The following ITSN2 variants were observed in gnomAD, a reference collection of about 807,000 sequenced individuals.
The protein encoded by ITSN2 is intersectin 2, also known as intersectin-2.
ITSN2 carries 156 observed loss-of-function variants against 243.7 expected under a neutral mutation model. That is an observed-to-expected ratio of 0.64 (90% confidence interval 0.56 to 0.73). The LOEUF (loss-of-function observed/expected upper bound fraction) is 0.73, where lower values mean the gene tolerates loss of function less well. Among genes scored for constraint, ITSN2 ranks in the 30% least tolerant of loss-of-function variants. The pLI, the probability that ITSN2 is intolerant of heterozygous loss-of-function variation, is 0.00. For missense variants in ITSN2, 1,801 were observed against 1,996.1 expected (o/e 0.90, Z 1.86); for synonymous variants, 703 against 699.9 (o/e 1.00, Z -0.07).
intron 29 of ITSN2, among the ~76,000 whole-genome samples, chr2:24,223,824 G>GA (rs70944730): frequency 0.78 from 111,913 of 142,880 alleles, 44,241 homozygotes; most frequent in African/African-American, 0.86. Flanking sequence ...GGAAGGAAGG[G>GA]AAAAAAAGGA....
intron 15 of ITSN2, among the ~76,000 whole-genome samples, chr2:24,289,609 A>G (rs1213744548): frequency 1.3e-5 from 2 of 152,190 alleles, no homozygotes; most frequent in Non-Finnish European, 2.9e-5. Flanking sequence ...TTGTCTGAGT[A>G]GTCCTGCTAG....
Position 24,271,851 on chromosome 2 carries a change from T to C in ITSN2, c.2172A>G (p.Thr724=). 6.2e-7 allele frequency: 1 copy of C among 1,610,882 alleles called. No individual in the cohort carries two copies. Residue 724 remains threonine (T), a synonymous_variant, in exon 19 of 40, where the codon ACA becomes ACG. Coordinates refer to ENST00000355123, the MANE Select transcript of ITSN2 (RefSeq NM_006277.3). ...EKQKRLQEEK[T]QEKIQEEERK... ...GTTCCTCTTCTTGAATTTTTTCTTG[T>C]GTTTTTTCTTCCTGGAGTCGCTTTT...
In ITSN2 at chr2:24,209,784, C is replaced by T. The variant is rs781159699; in HGVS notation, c.4473+34G>A. 7.8e-6 allele frequency: 12 copies of T among 1,546,884 alleles called. No individual in the cohort carries two copies. The East Asian group carries it at 1.8e-4, about 23-fold the overall frequency. Reference sequence around the variant, plus strand: ...AAGATAGAGGCAACACCTCATTAGGCCCCTGATGCTACCCCCAGACGCGTG... The same window carrying T: ...AAGATAGAGGCAACACCTCATTAGGTCCCTGATGCTACCCCCAGACGCGTG... On this transcript the variant is annotated intron_variant, in intron 35 of 39. Transcript: ENST00000355123.
chr2:24,353,201 T>A (rs1574412274), intron 1 of ITSN2, among the ~76,000 whole-genome samples: 1 of 152,166 alleles, frequency 6.6e-6, no homozygotes, highest in Non-Finnish European at 1.5e-5. Context: ...CATAGGGCTA[T>A]TAAAATAGAT....
intron 17 of ITSN2, 106 bp downstream of exon 17, chr2:24,284,657 T>C (rs909126281): frequency 1.4e-6 from 1 of 710,040 alleles, no homozygotes; most frequent in African/African-American, 1.8e-5. Context: ...ATTGTATATG[T>C]TATTTCAAAC....
intron 15 of ITSN2, 90 bp from the exon 16 acceptor site, chr2:24,286,441 A>T (rs1271106355): frequency 2.8e-6 from 3 of 1,073,340 alleles, no homozygotes; most frequent in Non-Finnish European, 4.3e-6. Flanking sequence ...GATTGATGTA[A>T]CTAGACCAAT....
At chr2:24,281,078 G>A (rs774336155) in intron 17 of ITSN2, among the ~76,000 whole-genome samples, 5 of 152,156 alleles carry the variant, frequency 3.3e-5, no homozygotes, top group Non-Finnish European at 7.3e-5. Flanking sequence ...GCCCTGGTTG[G>A]AGTGCAGTGG....
At chr2:24,207,941 A>G (rs1669074308) in intron 37 of ITSN2, among the ~76,000 whole-genome samples, 1 of 151,686 alleles carries the variant, frequency 6.6e-6, no homozygotes, top group Non-Finnish European at 1.5e-5. Flanking sequence ...GCCCAAGCAG[A>G]GGTGAGGTGA....
At chr2:24,298,388 C>G (rs1009424169) in intron 13 of ITSN2, among the ~76,000 whole-genome samples, 5 of 152,044 alleles carry the variant, frequency 3.3e-5, no homozygotes, top group African/African-American at 1.2e-4. Flanking sequence ...GAACTCCTGA[C>G]CTCGTGATCC....
intron 1 of ITSN2, among the ~76,000 whole-genome samples, chr2:24,347,027 G>A (rs1381973306): frequency 1.3e-5 from 2 of 151,990 alleles, no homozygotes; most frequent in Middle Eastern, 3.4e-3. Flanking sequence ...ACCACGCCCA[G>A]CTAATTTTTT....
chr2:24,285,142 G>A (rs1355880070), intron 16 of ITSN2, among the ~76,000 whole-genome samples: 3 of 151,974 alleles, frequency 2.0e-5, no homozygotes, highest in African/African-American at 4.8e-5. Flanking sequence ...TGATCCGCCC[G>A]CCTCAGCCTC....
intron 29 of ITSN2, among the ~76,000 whole-genome samples, chr2:24,222,865 G>T (rs2543665): frequency 0.13 from 20,019 of 151,650 alleles, 1,882 homozygotes; most frequent in African/African-American, 0.27. Flanking sequence ...TAGTAGAGAT[G>T]GGGTTTCACC....
At chr2:24,323,401 G>A (rs1684803376) in intron 2 of ITSN2, among the ~76,000 whole-genome samples, 1 of 152,220 alleles carries the variant, frequency 6.6e-6, no homozygotes, top group Non-Finnish European at 1.5e-5. Flanking sequence ...CTATTCAGCA[G>A]TAAACAGGAG....
chr2:24,286,438 G>A, intron 15 of ITSN2, 87 bp from the exon 16 acceptor site: 1 of 1,106,580 alleles, frequency 9.0e-7, no homozygotes, highest in Non-Finnish European at 1.4e-6. Flanking sequence ...TCAGATTGAT[G>A]TAACTAGACC....
At chr2:24,343,090 C>CAA (rs1254724019) in intron 1 of ITSN2, among the ~76,000 whole-genome samples, 6 of 68,548 alleles carry the variant, frequency 8.8e-5, no homozygotes, top group Admixed American at 1.6e-4. Flanking sequence ...GACCCCATCT[C>CAA]AAAAAAAAAA....
At chr2:24,260,219 G>C (rs182484932) in intron 22 of ITSN2, among the ~76,000 whole-genome samples, 3 of 152,238 alleles carry the variant, frequency 2.0e-5, no homozygotes, top group Admixed American at 2.0e-4. Flanking sequence ...ACTGTGCCTG[G>C]TGTCAATGTC....
At chr2:24,319,663 C>A (rs1684322028) in intron 2 of ITSN2, among the ~76,000 whole-genome samples, 1 of 152,250 alleles carries the variant, frequency 6.6e-6, no homozygotes. Context: ...TCAAACTCCA[C>A]TGGAAACCCT....
intron 2 of ITSN2, among the ~76,000 whole-genome samples, chr2:24,327,833 C>G (rs1301479083): frequency 6.6e-6 from 1 of 152,174 alleles, no homozygotes; most frequent in Non-Finnish European, 1.5e-5. Context: ...TTATTCCTAA[C>G]TGCTCAATGG....
intron 2 of ITSN2, among the ~76,000 whole-genome samples, chr2:24,324,272 A>T (rs1012275376): frequency 1.9e-4 from 29 of 152,128 alleles, no homozygotes; most frequent in Non-Finnish European, 4.4e-5. Context: ...AATTTTTTTT[A>T]AAAAGCTGCT....
Sources: allele counts gnomAD v4.1 joint callset (sites outside exome capture counted in the v4.1 genomes callset), GRCh38; gene constraint gnomAD v4.1.1; transcripts MANE v1.5; gene names NCBI Gene and HGNC (gene_info 2026-07-23, HGNC 2026-07-21).